The following SNTG1 variants were observed in gnomAD, a reference collection of about 807,000 sequenced individuals.
SNTG1 encodes gamma-1-syntrophin.
A neutral mutation model predicts 74.7 loss-of-function variants in SNTG1; 39 were observed. The ratio of observed to expected loss-of-function variants is 0.52; its 90% CI spans 0.40 to 0.68. The LOEUF (loss-of-function observed/expected upper bound fraction) is 0.68. Ranked by LOEUF, SNTG1 falls within the 30% of genes least tolerant of loss-of-function variation. SNTG1 has a pLI of 0.00. For synonymous variants in SNTG1, 254 were observed against 217.1 expected (o/e 1.17, Z -1.49); for missense variants, 685 against 609.5 (o/e 1.12, Z -1.30).
intron 13 of SNTG1, among the ~76,000 whole-genome samples, chr8:50,605,374 G>C (rs1357827872): frequency 6.6e-6 from 1 of 152,168 alleles, no homozygotes; most frequent in Non-Finnish European, 1.5e-5. Flanking sequence ...TAGGATGCTG[G>C]AGCATTTTAG....
At position 50,050,584 on chromosome 8, in the gene SNTG1, CTTAA is replaced by C. The variant is rs776911445; in HGVS notation, c.-102-121974_-102-121971del. Among the ~76,000 whole-genome samples the C allele has an allele frequency of 1.5e-4, 23 of 152,060 alleles. 1 individual carries two copies. Among genetic ancestry groups the C allele is most frequent in the Admixed American group, 5.2e-4 (8 of 15,246 alleles). Reference sequence around the variant, plus strand: ...CCAAATAAAATCCTAAGTACAGATGCTTAATTGATAAATACAACCAACAGCTTAT... The same window carrying C: ...CCAAATAAAATCCTAAGTACAGATGCTTGATAAATACAACCAACAGCTTAT... On this transcript the variant is annotated intron_variant, in intron 1 of 18. Transcript: ENST00000642720.
At chr8:50,483,464 T>G (rs768604975) in intron 8 of SNTG1, among the ~76,000 whole-genome samples, 2 of 152,218 alleles carry the variant, frequency 1.3e-5, no homozygotes, top group Non-Finnish European at 2.9e-5. Flanking sequence ...GGTACAGCTG[T>G]GTTTCTCCCT....
intron 1 of SNTG1, among the ~76,000 whole-genome samples, chr8:50,081,364 A>G (rs928638616): frequency 6.6e-6 from 1 of 152,168 alleles, no homozygotes; most frequent in African/African-American, 2.4e-5. Flanking sequence ...TTTGGCTTTC[A>G]GTAGTTAGAC....
At chr8:49,926,948 C>T (rs1277392564) in intron 1 of SNTG1, among the ~76,000 whole-genome samples, 1 of 152,154 alleles carries the variant, frequency 6.6e-6, no homozygotes, top group Non-Finnish European at 1.5e-5. Flanking sequence ...ACAAACATCT[C>T]ACCAAAGAAG....
chr8:50,668,788 T>C (rs145474765), intron 15 of SNTG1, among the ~76,000 whole-genome samples: 2 of 152,098 alleles, frequency 1.3e-5, no homozygotes, highest in Non-Finnish European at 2.9e-5. Flanking sequence ...AGTTCATCCA[T>C]GTCCCTGCAA....
chr8:50,443,762 A>G (rs2093379868), intron 5 of SNTG1, among the ~76,000 whole-genome samples: 1 of 152,186 alleles, frequency 6.6e-6, no homozygotes, highest in East Asian at 1.9e-4. Flanking sequence ...AAAACCTGAA[A>G]TAAATTACCT....
chr8:50,687,821 G>T (rs546097507), intron 15 of SNTG1, among the ~76,000 whole-genome samples: 1 of 152,218 alleles, frequency 6.6e-6, no homozygotes, highest in South Asian at 2.1e-4. Flanking sequence ...AACATACAGT[G>T]TTTGGTTTTT....
intron 10 of SNTG1, among the ~76,000 whole-genome samples, chr8:50,532,006 A>G (rs1457923304): frequency 3.9e-5 from 6 of 152,328 alleles, no homozygotes; most frequent in Non-Finnish European, 7.4e-5. Context: ...TAATTACAGC[A>G]AGAAAATCAC....
intron 8 of SNTG1, among the ~76,000 whole-genome samples, chr8:50,485,956 G>A (rs1381758105): frequency 1.4e-4 from 21 of 150,978 alleles, no homozygotes; most frequent in Non-Finnish European, 2.2e-4. Context: ...GTTTTTCTCA[G>A]GTTTGTCAAA....
At chr8:49,938,597 C>CTTTTTTTTTTTTT in intron 1 of SNTG1, among the ~76,000 whole-genome samples, 1 of 32,508 alleles carries the variant, frequency 3.1e-5, no homozygotes, top group Non-Finnish European at 5.7e-5. Context: ...CTTTTCTTTT[C>CTTTTTTTTTTTTT]TTTTCTTTTC....
At chr8:50,430,711 C>T (rs867331771) in intron 4 of SNTG1, among the ~76,000 whole-genome samples, 7 of 152,224 alleles carry the variant, frequency 4.6e-5, no homozygotes, top group Middle Eastern at 3.4e-3. Context: ...CTCCTCAGAT[C>T]CAGGGCTTGT....
At chr8:50,714,338 T>G (rs1056449011) in intron 17 of SNTG1, among the ~76,000 whole-genome samples, 2 of 151,848 alleles carry the variant, frequency 1.3e-5, no homozygotes, top group South Asian at 4.1e-4. Flanking sequence ...TGGTTCCCTA[T>G]GAAATTTGAC....
intron 1 of SNTG1, among the ~76,000 whole-genome samples, chr8:49,947,650 A>C (rs1373376383): frequency 6.6e-6 from 1 of 152,232 alleles, no homozygotes; most frequent in Non-Finnish European, 1.5e-5. Flanking sequence ...GTACATTGCT[A>C]GAAGACTTTT....
chr8:50,554,624 G>A (rs1191870593), intron 12 of SNTG1, among the ~76,000 whole-genome samples: 1 of 151,828 alleles, frequency 6.6e-6, no homozygotes, highest in African/African-American at 2.4e-5. Flanking sequence ...TGCTAATCTG[G>A]TGTTGTCACC....
chr8:50,492,743 C>T (rs1017061668), intron 8 of SNTG1, among the ~76,000 whole-genome samples: 4 of 152,206 alleles, frequency 2.6e-5, no homozygotes, highest in Non-Finnish European at 4.4e-5. Flanking sequence ...TTTAATGAGA[C>T]GTATTTGTCA....
At chr8:50,411,850 C>T (rs1459596540) in intron 4 of SNTG1, among the ~76,000 whole-genome samples, 2 of 152,144 alleles carry the variant, frequency 1.3e-5, no homozygotes, top group Non-Finnish European at 2.9e-5. Flanking sequence ...GTGGTGGCCG[C>T]AGTGGGATTA....
At chr8:50,372,918 T>C (rs2092300381) in intron 2 of SNTG1, among the ~76,000 whole-genome samples, 1 of 152,148 alleles carries the variant, frequency 6.6e-6, no homozygotes, top group Non-Finnish European at 1.5e-5. Flanking sequence ...AGACAGTTGG[T>C]AAACAAAACA....
chr8:49,997,455 T>C (rs570764879), intron 1 of SNTG1, among the ~76,000 whole-genome samples: 1 of 152,266 alleles, frequency 6.6e-6, no homozygotes, highest in East Asian at 1.9e-4. Context: ...AGAGGAGTCA[T>C]GTACTTCCTG....
rs565898441 is a variant in SNTG1, at chr8:50,410,750, G to A, written c.162+8406G>A. Among the ~76,000 whole-genome samples the A allele has an allele frequency of 2.0e-3, 310 of 152,186 alleles. 1 individual carries two copies. The highest frequency in any genetic ancestry group is 5.0e-3 in the South Asian group (24 of 4,816). On this transcript the variant is annotated intron_variant, in intron 4 of 18. Coordinates refer to ENST00000642720, the MANE Select transcript of SNTG1 (RefSeq NM_018967.5). ...ACTTTTTTTTAGATTATGCATGTGCGAGGTCATACAACATTTGTCTTTCTG... is the reference window on the plus strand; with the variant it reads ...ACTTTTTTTTAGATTATGCATGTGCAAGGTCATACAACATTTGTCTTTCTG...
Sources: allele counts gnomAD v4.1 joint callset (sites outside exome capture counted in the v4.1 genomes callset), GRCh38; gene constraint gnomAD v4.1.1; transcripts MANE v1.5; gene names NCBI Gene and HGNC (gene_info 2026-07-23, HGNC 2026-07-21).